The following NCAM1 variants were observed in gnomAD, a reference collection of about 807,000 sequenced individuals.
NCAM1 encodes neural cell adhesion molecule 1, also known as antigen recognized by monoclonal antibody 5.1H11.
NCAM1 carries 14 observed loss-of-function variants against 109.8 expected under a neutral mutation model. That is an observed-to-expected ratio of 0.13 (90% CI 0.08 to 0.20). NCAM1 has a LOEUF of 0.20. Among genes scored for constraint, NCAM1 ranks in the 10% least tolerant of loss-of-function variants. The pLI is 1.00. For missense variants in NCAM1, 774 were observed against 1,109.9 expected, an observed-to-expected ratio of 0.70 and a Z score of 4.30; for synonymous variants, 418 against 442.9, an observed-to-expected ratio of 0.94 and a Z score of 0.70.
chr11:113,108,837 G>C (rs1344939830), intron 1 of NCAM1, among the ~76,000 whole-genome samples: 1 of 148,794 alleles, frequency 6.7e-6, no homozygotes, highest in Non-Finnish European at 1.5e-5. Context: ...GTGCAGTGGC[G>C]CGATCTTGGC....
chr11:113,247,880 G>A (rs2137467976), intron 15 of NCAM1, among the ~76,000 whole-genome samples: 1 of 152,284 alleles, frequency 6.6e-6, no homozygotes, highest in South Asian at 2.1e-4. Flanking sequence ...CCATCAGCAA[G>A]ACTGGATATT....
At chr11:113,247,058 CAT>C (rs1381669905) in intron 15 of NCAM1, among the ~76,000 whole-genome samples, 2 of 152,188 alleles carry the variant, frequency 1.3e-5, no homozygotes, top group African/African-American at 4.8e-5. Context: ...TCAAGAAACA[CAT>C]GATTGACCCT....
At chr11:113,025,815 GAGA>G (rs1952527241) in intron 1 of NCAM1, among the ~76,000 whole-genome samples, 1 of 123,388 alleles carries the variant, frequency 8.1e-6, no homozygotes, top group African/African-American at 2.9e-5. Flanking sequence ...GAGAGAGAGA[GAGA>G]GAGAGGGAGA....
At chr11:113,119,089 G>A (rs1346116633) in intron 1 of NCAM1, among the ~76,000 whole-genome samples, 3 of 151,768 alleles carry the variant, frequency 2.0e-5, no homozygotes, top group South Asian at 4.1e-4. Context: ...AGCAAAAGAG[G>A]GGAATGGGGA....
At chr11:113,110,998 A>C (rs148391752) in intron 1 of NCAM1, among the ~76,000 whole-genome samples, 104 of 152,332 alleles carry the variant, frequency 6.8e-4, no homozygotes, top group African/African-American at 2.4e-3. Context: ...ACTTTGCGAG[A>C]TGGGCACTAT....
intron 1 of NCAM1, among the ~76,000 whole-genome samples, chr11:113,146,560 A>G (rs145885881): frequency 1.2e-4 from 18 of 152,360 alleles, no homozygotes; most frequent in African/African-American, 4.8e-5. Context: ...TATTTTTTCT[A>G]CAAGAGTTTA....
chr11:113,009,012 A>T lies in NCAM1; in HGVS notation c.52+47348A>T, dbSNP rs186042755. ...CTCCCATGGGGGCCTCAGGGGTGTC[A>T]CAGCGGGAGAGTGCAATAACCTGGT... On this transcript the variant is annotated intron_variant, in intron 1 of 19. Transcript: ENST00000316851. Among the ~76,000 whole-genome samples the T allele has an allele frequency of 5.9e-5, 9 of 152,300 alleles. No homozygotes were observed. In the East Asian group the frequency reaches 1.4e-3, roughly 23 times the overall value.
chr11:113,253,495 A>G (rs1945751383), intron 15 of NCAM1, among the ~76,000 whole-genome samples: 1 of 152,302 alleles, frequency 6.6e-6, no homozygotes, highest in Non-Finnish European at 1.5e-5. Flanking sequence ...ATAGCATCCA[A>G]TTCAGGGCCC....
At chr11:113,271,357 G>A (rs1270240141) in intron 18 of NCAM1, among the ~76,000 whole-genome samples, 1 of 100,518 alleles carries the variant, frequency 9.9e-6, no homozygotes, top group Non-Finnish European at 1.8e-5. Context: ...GCGACATAGA[G>A]AGACTCTGTC....
rs536213461 is a variant in NCAM1, at chr11:113,036,168, C to T, written c.52+74504C>T. Among the ~76,000 whole-genome samples, 15 of 152,212 alleles carry T rather than the reference C, an allele frequency of 9.9e-5. No homozygotes were observed. In the South Asian group the frequency reaches 2.7e-3, roughly 27 times the overall value. On this transcript the variant is annotated intron_variant, in intron 1 of 19. Coordinates refer to ENST00000316851, the MANE Select transcript of NCAM1 (RefSeq NM_181351.5). ...CCCCCAGCCCTGAGCCTGATCCTGC[C>T]ACTCTTAGTAAATAACATCACCTCT...
rs1490938194 is a variant in NCAM1, at chr11:113,277,844, T to TC, written c.*2459dup. ...GTTTGTCTCAGCATGCAAGAGTTTTTCCTTTAAAAAAAAAAAAAAAAAAAA... is the reference window on the plus strand; with the variant it reads ...GTTTGTCTCAGCATGCAAGAGTTTTTCCCTTTAAAAAAAAAAAAAAAAAAAA... On this transcript the variant is annotated 3_prime_UTR_variant, in exon 20 of 20. Coordinates refer to ENST00000316851, the MANE Select transcript of NCAM1 (RefSeq NM_181351.5). 2.0e-4 allele frequency: 19 copies of TC among 93,586 alleles called. No individual in the cohort carries two copies. Among genetic ancestry groups the TC allele is most frequent in the African/African-American group, 7.2e-4 (18 of 25,080 alleles). The allele number at this position is 93,586 out of a possible 1,614,324, so 5.8% of individuals were successfully genotyped here.
At chr11:113,264,898 G>C (rs1591472110) in intron 17 of NCAM1, 2 of 985,662 alleles carry the variant, frequency 2.0e-6, no homozygotes, top group East Asian at 1.1e-4. Flanking sequence ...TGAGTTCCTG[G>C]TGACAGCTGC....
chr11:113,099,775 G>A (rs781319570), intron 1 of NCAM1, among the ~76,000 whole-genome samples: 3 of 152,086 alleles, frequency 2.0e-5, no homozygotes, highest in South Asian at 2.1e-4. Context: ...TGCGACCTCC[G>A]CCTCCTGGGT....
intron 1 of NCAM1, among the ~76,000 whole-genome samples, chr11:113,004,546 C>G (rs1951845321): frequency 6.6e-6 from 1 of 151,790 alleles, no homozygotes; most frequent in African/African-American, 2.4e-5. Context: ...AATTTTCACT[C>G]ACAATTTTGA....
intron 1 of NCAM1, among the ~76,000 whole-genome samples, chr11:112,985,019 A>G (rs1555069369): frequency 6.6e-6 from 1 of 151,634 alleles, no homozygotes. Context: ...TAAGAGTTTT[A>G]TAGCTCCAGG....
rs182556680 is a variant in NCAM1 at position 113,030,500 on chromosome 11, T to C, written c.52+68836T>C. Among the ~76,000 whole-genome samples the C allele has an allele frequency of 5.9e-5, 9 of 152,302 alleles. 1 individual carries two copies. The East Asian group carries it at 1.7e-3, about 29-fold the overall frequency. ...GAATTAAGATGTTATCTCTCATTGA[T>C]GGTTAAGATGGAGCAATTGACATGT... On this transcript the variant is annotated intron_variant, in intron 1 of 19. Transcript: ENST00000316851.
intron 1 of NCAM1, among the ~76,000 whole-genome samples, chr11:113,016,585 G>A (rs1467594814): frequency 6.6e-6 from 1 of 152,062 alleles, no homozygotes; most frequent in African/African-American, 2.4e-5. Context: ...AGACACTTGG[G>A]GGCAGACACC....
intron 9 of NCAM1, chr11:113,221,968 G>C (rs1944705266): frequency 6.6e-6 from 1 of 152,204 alleles, no homozygotes; most frequent in African/African-American, 2.4e-5. Flanking sequence ...AAATTTCTCT[G>C]ACTCATTGCT....
At chr11:113,128,233 C>T (rs116614762) in intron 1 of NCAM1, among the ~76,000 whole-genome samples, 72 of 152,292 alleles carry the variant, frequency 4.7e-4, no homozygotes, top group African/African-American at 1.3e-3. Context: ...CATCACAGAA[C>T]GGTTTGGGAG....
Sources: allele counts gnomAD v4.1 joint callset (sites outside exome capture counted in the v4.1 genomes callset), GRCh38; gene constraint gnomAD v4.1.1; transcripts MANE v1.5; gene names NCBI Gene and HGNC (gene_info 2026-07-23, HGNC 2026-07-21).